Variants in COL25A1 observed in about 807,000 individuals in gnomAD.
COL25A1 encodes the protein collagen alpha-1(XXV) chain.
A neutral mutation model predicts 128.4 loss-of-function variants in COL25A1; 103 were observed. That is an observed-to-expected ratio of 0.80 (90% CI 0.68 to 0.94). The LOEUF (loss-of-function observed/expected upper bound fraction) is 0.94, where lower values mean the gene tolerates loss of function less well. Ranked by LOEUF, COL25A1 falls within the 40% of genes least tolerant of loss-of-function variation. The pLI, the probability that COL25A1 is intolerant of heterozygous loss-of-function variation, is 0.00. For synonymous variants in COL25A1, 279 were observed against 277.2 expected, an observed-to-expected ratio of 1.01 and a Z score of -0.06; for missense variants, 745 against 840.0, an observed-to-expected ratio of 0.89 and a Z score of 1.40.
At chr4:108,996,683 GCAC>G (rs1019989626) in intron 6 of COL25A1, among the ~76,000 whole-genome samples, 2 of 152,104 alleles carry the variant, frequency 1.3e-5, no homozygotes, top group Admixed American at 6.5e-5. Context: ...ATTCTTCTCA[GCAC>G]CACATCGTAC....
At chr4:108,987,885 C>T (rs1237839494) in intron 6 of COL25A1, among the ~76,000 whole-genome samples, 18 of 152,178 alleles carry the variant, frequency 1.2e-4, no homozygotes, top group Admixed American at 1.2e-3. Context: ...AAAGCATTAC[C>T]AGACTATCCT....
At chr4:108,991,520 T>C (rs549922662) in intron 6 of COL25A1, among the ~76,000 whole-genome samples, 1 of 152,318 alleles carries the variant, frequency 6.6e-6, no homozygotes, top group South Asian at 2.1e-4. Flanking sequence ...TATCATTCTC[T>C]TTATAATGCA....
At chr4:109,130,003 A>T (rs1579459491) in intron 3 of COL25A1, among the ~76,000 whole-genome samples, 1 of 42,412 alleles carries the variant, frequency 2.4e-5, no homozygotes, top group African/African-American at 4.6e-4. Context: ...AAGTATAATT[A>T]AAAAAAAAAA....
chr4:109,188,003 T>C (rs1464824152), intron 3 of COL25A1, among the ~76,000 whole-genome samples: 2 of 152,026 alleles, frequency 1.3e-5, no homozygotes, highest in Non-Finnish European at 2.9e-5. Context: ...GTCACAATAA[T>C]GAAAAGTGAG....
chr4:108,859,322 A>G (rs1218929512), intron 24 of COL25A1, among the ~76,000 whole-genome samples: 1 of 152,196 alleles, frequency 6.6e-6, no homozygotes, highest in African/African-American at 2.4e-5. Flanking sequence ...CTCCAGCCCC[A>G]GAGGCACAGA....
chr4:108,936,008 C>T (rs1171799277), intron 11 of COL25A1, among the ~76,000 whole-genome samples: 16 of 152,068 alleles, frequency 1.1e-4, no homozygotes, highest in Non-Finnish European at 2.4e-4. Context: ...ACATAGCTTT[C>T]GATATAAGAA....
chr4:109,224,266 C>T (rs1778623622), intron 3 of COL25A1, among the ~76,000 whole-genome samples: 1 of 152,032 alleles, frequency 6.6e-6, no homozygotes, highest in Admixed American at 6.6e-5. Context: ...TTCTGAAAAA[C>T]TCTGAAAGGA....
chr4:109,277,501 A>C (rs2126271353), intron 3 of COL25A1, among the ~76,000 whole-genome samples: 1 of 152,262 alleles, frequency 6.6e-6, no homozygotes, highest in South Asian at 2.1e-4. Context: ...ATTTTTTAAA[A>C]ATTTTCTCTT....
At chr4:108,980,258 T>C (rs1013961152) in intron 6 of COL25A1, among the ~76,000 whole-genome samples, 1 of 152,162 alleles carries the variant, frequency 6.6e-6, no homozygotes, top group Non-Finnish European at 1.5e-5. Flanking sequence ...TGGTAAAGCT[T>C]TGAATTAAGG....
intron 5 of COL25A1, among the ~76,000 whole-genome samples, chr4:109,047,041 A>G (rs149628630): frequency 2.6e-3 from 390 of 152,296 alleles, no homozygotes; most frequent in African/African-American, 8.8e-3. Flanking sequence ...TCAAGGAAAG[A>G]AAAAAGAAAG....
chr4:109,251,816 A>C (rs1253042858), intron 3 of COL25A1, among the ~76,000 whole-genome samples: 1 of 152,214 alleles, frequency 6.6e-6, no homozygotes, highest in Admixed American at 6.5e-5. Flanking sequence ...AGACCCATAA[A>C]TTCTGGCTAT....
Position 108,936,785 on chromosome 4 carries a change from C to T in COL25A1, c.708+1023G>A, listed in dbSNP as rs181251176. The stretch of plus-strand genomic sequence containing the variant: ...ACTCTATGCATTAGTTTCACTAGGA[C>T]CTACCTGTTTCTTAAATATATATAT... On this transcript the variant is annotated intron_variant, in intron 11 of 37. Coordinates refer to ENST00000399132, the MANE Select transcript of COL25A1 (RefSeq NM_198721.4). 4.1e-4 allele frequency among the ~76,000 whole-genome samples: 54 copies of T among 131,970 alleles called. No individual in the cohort carries two copies. The East Asian group carries it at 0.011, about 27-fold the overall frequency. The allele number at this position is 131,970 out of a possible 152,430, so 86.6% of individuals were successfully genotyped here.
chr4:108,912,979 T>A (rs1744412772), intron 13 of COL25A1, among the ~76,000 whole-genome samples: 3 of 152,098 alleles, frequency 2.0e-5, no homozygotes, highest in South Asian at 2.1e-4. Flanking sequence ...CACACTAATA[T>A]CAATTTTTAA....
intron 6 of COL25A1, among the ~76,000 whole-genome samples, chr4:108,984,864 G>A (rs1016304279): frequency 6.6e-6 from 1 of 152,268 alleles, no homozygotes; most frequent in Non-Finnish European, 1.5e-5. Flanking sequence ...GGCAGAGGAA[G>A]CGCCAAGAGC....
At chr4:108,973,333 A>G (rs1752102503) in intron 8 of COL25A1, among the ~76,000 whole-genome samples, 1 of 152,240 alleles carries the variant, frequency 6.6e-6, no homozygotes, top group Non-Finnish European at 1.5e-5. Flanking sequence ...AAACATAATC[A>G]GTATTTCTAT....
chr4:109,242,684 GC>G (rs1273602480), intron 3 of COL25A1, among the ~76,000 whole-genome samples: 1 of 152,002 alleles, frequency 6.6e-6, no homozygotes, highest in African/African-American at 2.4e-5. Flanking sequence ...GAAGTGACTG[GC>G]TTTTTATTTC....
At chr4:109,215,679 GC>G (rs1456907276) in intron 3 of COL25A1, among the ~76,000 whole-genome samples, 1 of 152,106 alleles carries the variant, frequency 6.6e-6, no homozygotes, top group Non-Finnish European at 1.5e-5. Flanking sequence ...ACCTAAGAAT[GC>G]CTTCCACATT....
At chr4:109,192,776 C>T (rs1032848728) in intron 3 of COL25A1, among the ~76,000 whole-genome samples, 1 of 151,964 alleles carries the variant, frequency 6.6e-6, no homozygotes, top group African/African-American at 2.4e-5. Flanking sequence ...ATGGCATGAA[C>T]CTGGGATCCA....
At chr4:109,233,230 G>T (rs1779265350) in intron 3 of COL25A1, among the ~76,000 whole-genome samples, 1 of 152,104 alleles carries the variant, frequency 6.6e-6, no homozygotes, top group African/African-American at 2.4e-5. Flanking sequence ...ACTGCCTAAT[G>T]AAAACATAAT....
Sources: gnomAD v4.1 joint callset for allele counts (sites outside exome capture counted in the v4.1 genomes callset) on GRCh38, gnomAD v4.1.1 for gene constraint, MANE v1.5 for transcripts, NCBI Gene and HGNC (gene_info 2026-07-23, HGNC 2026-07-21) for gene names.